Variants in RNF123 observed in about 807,000 individuals in gnomAD.
RNF123 encodes the protein ring finger protein 123.
In RNF123, 86 loss-of-function variants were observed where a neutral mutation model predicts 168.5. That is an observed-to-expected ratio of 0.51 (90% CI 0.43 to 0.61). The LOEUF is 0.61. Among genes scored for constraint, RNF123 ranks in the 20% least tolerant of loss-of-function variants. RNF123 has a pLI of 0.00. For missense variants in RNF123, 1,419 were observed against 1,729.7 expected (o/e 0.82, Z 3.19); for synonymous variants, 666 against 689.1 (o/e 0.97, Z 0.52).
intron 35 of RNF123, chr3:49,718,515 C>G: frequency 1.9e-6 from 3 of 1,613,154 alleles, no homozygotes; most frequent in Non-Finnish European, 2.5e-6. Context: ...CCCTGAGAAG[C>G]TCCTGCTGCG....
At chr3:49,717,993 C>A in intron 35 of RNF123, 1 of 1,613,608 alleles carries the variant, frequency 6.2e-7, no homozygotes, top group South Asian at 1.1e-5. Context: ...AGCTGGCGGA[C>A]TCAGAGCCAG....
chr3:49,705,829 C>A, intron 24 of RNF123, 150 bp downstream of exon 24: 4 of 1,428,174 alleles, frequency 2.8e-6, no homozygotes, highest in Non-Finnish European at 2.9e-6. Context: ...TCTGCTCCTG[C>A]TGCCTCAGTC....
Position 49,698,524 on chromosome 3 carries a change from A to G in RNF123, c.568A>G (p.Lys190Glu). ...GAATGTGACCACAACGAATTATGGC[A>G]AGGTGAGAGCCAAGCCCCTGTGGGT... ...KWNVTTTNYG[K>E]AWAAGDIVSC... Residue 190 changes from lysine to glutamate, a missense_variant and splice_region_variant, in exon 8 of 39, where the codon AAG becomes GAG. This residue lies in a region of RNF123 where 318 missense variants were observed against 446.6 expected (regional missense o/e 0.71). Transcript: ENST00000327697. 1 of 1,613,902 alleles carries G rather than the reference A, an allele frequency of 6.2e-7. No individual in the cohort carries two copies. Among genetic ancestry groups the G allele is most frequent in the Non-Finnish European group, 8.5e-7 (1 of 1,180,000 alleles).
chr3:49,701,168 A>G (rs1352221523), intron 15 of RNF123, among the ~76,000 whole-genome samples: 1 of 152,238 alleles, frequency 6.6e-6, no homozygotes, highest in Non-Finnish European at 1.5e-5. Context: ...TCCAGGAGGC[A>G]GACACAAAGC....
At position 49,705,143 on chromosome 3, in the gene RNF123, G is replaced by A; in HGVS notation, c.2119G>A (p.Val707Ile). ...TCTGAGCACCTCGGAGAAAGTGAAG[G>A]TCCGCACGCTGAGCGTGGAGCAGAG... ...RPLSTSEKVK[V>I]RTLSVEQRTR... Residue 707 changes from valine (V) to isoleucine (I), a missense_variant, in exon 23 of 39, where the codon GTC (valine) becomes ATC (isoleucine). Val to Ile is a conservative substitution (Grantham distance 29). This residue lies in a region of RNF123 where 538 missense variants were observed against 708.8 expected (regional missense o/e 0.76). Coordinates refer to ENST00000327697, the MANE Select transcript of RNF123 (RefSeq NM_022064.5). 6.2e-7 allele frequency: 1 copy of A among 1,608,816 alleles called. No individual in the cohort carries two copies. The highest frequency in any genetic ancestry group is 8.5e-7 in the Non-Finnish European group (1 of 1,177,528).
In RNF123 at chr3:49,706,048, C is replaced by T. The variant is rs773777445; in HGVS notation, c.2371C>T (p.Arg791Cys). The T allele has an allele frequency of 2.1e-5, 34 of 1,614,038 alleles. No homozygotes were observed. The highest frequency in any genetic ancestry group is 3.3e-5 in the Admixed American group (2 of 60,006). Residue 791 changes from arginine (R) to cysteine (C), a missense_variant, in exon 25 of 39, where the codon CGC (arginine) becomes TGC (cysteine). By Grantham distance (180) the Arg-to-Cys change is radical. This residue lies in a region of RNF123 where 538 missense variants were observed against 708.8 expected (regional missense o/e 0.76). Coordinates refer to ENST00000327697, the MANE Select transcript of RNF123 (RefSeq NM_022064.5). ...TCTGAGGGACACAGAGGACAAGCTC[C>T]GCCGGTGCCCCAAGAGGGTAAGGCC... ...MALRDTEDKLRRCPKRRKDIL... is the reference protein window; with the variant it reads ...MALRDTEDKLCRCPKRRKDIL...
chr3:49,716,204 A>T (rs777629315), intron 34 of RNF123, 27 bp downstream of exon 34: 1 of 1,610,566 alleles, frequency 6.2e-7, no homozygotes, highest in South Asian at 1.1e-5. Context: ...CCTGCACCCC[A>T]ACACACTACA....
chr3:49,697,137 C>A lies in RNF123; in HGVS notation c.168-6C>A. On this transcript the variant is annotated splice_polypyrimidine_tract_variant and splice_region_variant and intron_variant, in intron 3 of 38. Transcript: ENST00000327697. Reference sequence around the variant, plus strand: ...TGGACCCCTGGCAGCCTCTCACTCTCCCCAGGAAACCCCTGAACTTCCAGA... The same window carrying A: ...TGGACCCCTGGCAGCCTCTCACTCTACCCAGGAAACCCCTGAACTTCCAGA... 1.2e-6 allele frequency: 2 copies of A among 1,613,226 alleles called. No homozygotes were observed. Among genetic ancestry groups the A allele is most frequent in the East Asian group, 2.2e-5 (1 of 44,878 alleles).
chr3:49,690,181 T>C (rs964225753), intron 1 of RNF123, among the ~76,000 whole-genome samples: 1 of 152,180 alleles, frequency 6.6e-6, no homozygotes, highest in African/African-American at 2.4e-5. Context: ...GAGTGCTGGC[T>C]AAGGCAGTGC....
chr3:49,706,984 C>A, intron 26 of RNF123, 86 bp downstream of exon 26: 2 of 1,074,472 alleles, frequency 1.9e-6, no homozygotes, highest in Non-Finnish European at 1.4e-6. Context: ...TTGATGCCCC[C>A]ACCCTCTCAG....
At chr3:49,704,511 C>T (rs1189427958) in intron 21 of RNF123, 139 bp from the exon 22 acceptor site, 24 of 650,574 alleles carry the variant, frequency 3.7e-5, no homozygotes, top group Middle Eastern at 3.6e-4. Flanking sequence ...GGCGGAGGGG[C>T]GAGGGGCAGA....
rs2054478698 is a variant in RNF123 at position 49,704,760 on chromosome 3, C to G, written c.1959+4C>G. 6.4e-7 allele frequency: 1 copy of G among 1,570,902 alleles called. No individual in the cohort carries two copies. The highest frequency in any genetic ancestry group is 1.3e-5 in the African/African-American group (1 of 74,090). ...GCCAGCCCCAGCTATGGCCCAGGTG[C>G]CGCAGTGGGGGCAGGCGGTGGGATT... On this transcript the variant is annotated splice_donor_region_variant and intron_variant, in intron 22 of 38. Coordinates refer to ENST00000327697, the MANE Select transcript of RNF123 (RefSeq NM_022064.5).
At position 49,715,725 on chromosome 3, in the gene RNF123, G is replaced by A. The variant is rs751806242; in HGVS notation, c.3150+11G>A. ...GGCATGATCCAAGAGGTGGGCTGTGGTGGGGCCTCGTGGGTTAGGGTGGTG... is the reference window on the plus strand; with the variant it reads ...GGCATGATCCAAGAGGTGGGCTGTGATGGGGCCTCGTGGGTTAGGGTGGTG... On this transcript the variant is annotated intron_variant, in intron 32 of 38. Coordinates refer to ENST00000327697, the MANE Select transcript of RNF123 (RefSeq NM_022064.5). 4.1e-5 allele frequency: 66 copies of A among 1,614,124 alleles called. No homozygotes were observed. The highest frequency in any genetic ancestry group is 5.4e-5 in the Non-Finnish European group (64 of 1,180,050).
chr3:49,712,606 G>C lies in RNF123; in HGVS notation c.2624G>C (p.Ser875Thr). Residue 875 changes from serine to threonine, a missense_variant, in exon 27 of 39, where the codon AGT becomes ACT. Ser to Thr is a moderately conservative substitution (Grantham distance 58, BLOSUM62 1). This residue lies in a region of RNF123 where 538 missense variants were observed against 708.8 expected (regional missense o/e 0.76). Transcript: ENST00000327697. ...FYLSVAINSY[S>T]ALKNYFGPVH... ...CTGAGCGTGGCCATCAACAGCTACA[G>C]TGCTCTCAAGAATTACTTTGGTCCC... The C allele has an allele frequency of 6.2e-7, 1 of 1,614,220 alleles. No homozygotes were observed. The highest frequency in any genetic ancestry group is 8.5e-7 in the Non-Finnish European group (1 of 1,180,030).
chr3:49,692,862 A>C (rs373123968), intron 3 of RNF123, among the ~76,000 whole-genome samples: 12 of 151,826 alleles, frequency 7.9e-5, no homozygotes, highest in East Asian at 5.8e-4. Flanking sequence ...TGTTTTCTTT[A>C]TTTATTCATC....
intron 35 of RNF123, chr3:49,719,706 C>T: frequency 2.0e-6 from 1 of 493,222 alleles, no homozygotes; most frequent in Non-Finnish European, 3.7e-6. Flanking sequence ...CTGATCGGCT[C>T]CTAAATACTC....
At chr3:49,703,580 G>C (rs771909887) in intron 21 of RNF123, 52 bp downstream of exon 21, 22 of 1,470,984 alleles carry the variant, frequency 1.5e-5, no homozygotes, top group Non-Finnish European at 2.1e-5. Flanking sequence ...GTGGGGGACT[G>C]TCCCTGAGCC....
intron 35 of RNF123, chr3:49,720,158 A>G (rs1008613216): frequency 9.0e-6 from 1 of 110,546 alleles, no homozygotes; most frequent in Non-Finnish European, 1.8e-5. Flanking sequence ...TCTACTAAAA[A>G]TACAACAATT....
Position 49,705,589 on chromosome 3 carries a change from T to G in RNF123, c.2214T>G (p.Pro738=). Residue 738 remains proline (P), a synonymous_variant, in exon 24 of 39, where the codon CCT becomes CCG. Transcript: ENST00000327697. Reference sequence around the variant, plus strand: ...TGCTGGGGCGGCCCCCCGAGGAGCCTGAGCAGCCCCTCACCGAGAACTCGC... The same window carrying G: ...TGCTGGGGCGGCCCCCCGAGGAGCCGGAGCAGCCCCTCACCGAGAACTCGC... ...GLLLGRPPEE[P]EQPLTENSLL... is the part of the protein sequence containing the mutation. 6.2e-7 allele frequency: 1 copy of G among 1,612,462 alleles called. No homozygotes were observed.
Sources: allele counts gnomAD v4.1 joint callset (sites outside exome capture counted in the v4.1 genomes callset), GRCh38; gene constraint gnomAD v4.1.1; regional missense constraint gnomAD v4.1.1; transcripts MANE v1.5; gene names NCBI Gene and HGNC (gene_info 2026-07-23, HGNC 2026-07-21).